The following MCPH1 variants were observed in gnomAD, a reference collection of about 807,000 sequenced individuals.
MCPH1 encodes the protein microcephalin 1, also known as microcephalin.
MCPH1 carries 104 observed loss-of-function variants against 84.5 expected under a neutral mutation model. The observed-to-expected ratio is 1.23, with a 90% CI of 1.05 to 1.45. The LOEUF (loss-of-function observed/expected upper bound fraction) is 1.45, where lower values mean the gene tolerates loss of function less well. Among genes scored for constraint, MCPH1 ranks in the 40% most tolerant of loss-of-function variants. The pLI, the probability that MCPH1 is intolerant of heterozygous loss-of-function variation, is 0.00. For synonymous variants in MCPH1, 514 were observed against 366.8 expected, an observed-to-expected ratio of 1.40 and a Z score of -4.58; for missense variants, 1,498 against 1,005.7, an observed-to-expected ratio of 1.49 and a Z score of -6.62.
intron 13 of MCPH1, among the ~76,000 whole-genome samples, chr8:6,623,561 G>C (rs955673686): frequency 1.3e-5 from 2 of 151,744 alleles, no homozygotes; most frequent in African/African-American, 4.8e-5. Flanking sequence ...ATCTAACTAC[G>C]GACATTTTAC....
intron 3 of MCPH1, among the ~76,000 whole-genome samples, chr8:6,423,005 G>T (rs961357336): frequency 6.7e-6 from 1 of 149,834 alleles, no homozygotes; most frequent in Non-Finnish European, 1.5e-5. Context: ...ATATTTTTAG[G>T]AGAGACAGGG....
At chr8:6,604,249 C>T (rs1355738805) in intron 12 of MCPH1, among the ~76,000 whole-genome samples, 1 of 152,132 alleles carries the variant, frequency 6.6e-6, no homozygotes, top group East Asian at 1.9e-4. Context: ...AGCTTCTCCA[C>T]GGAGCCCTGT....
At chr8:6,594,312 G>T (rs935681170) in intron 12 of MCPH1, among the ~76,000 whole-genome samples, 1 of 152,192 alleles carries the variant, frequency 6.6e-6, no homozygotes. Flanking sequence ...GGAATGAGTG[G>T]TTTACCCAGG....
intron 11 of MCPH1, among the ~76,000 whole-genome samples, chr8:6,491,376 C>CTTTTT (rs34589854): frequency 3.9e-5 from 5 of 128,132 alleles, no homozygotes; most frequent in African/African-American, 8.4e-5. Flanking sequence ...TGGTTTCTTT[C>CTTTTT]TTTTTTTTTT....
At chr8:6,568,573 T>C (rs534007014) in intron 12 of MCPH1, among the ~76,000 whole-genome samples, 1 of 152,292 alleles carries the variant, frequency 6.6e-6, no homozygotes, top group South Asian at 2.1e-4. Context: ...GTCGTTTTGC[T>C]TTTCCAACCT....
intron 12 of MCPH1, among the ~76,000 whole-genome samples, chr8:6,503,488 C>T (rs959333139): frequency 6.6e-6 from 1 of 152,202 alleles, no homozygotes; most frequent in South Asian, 2.1e-4. Context: ...CCTTCTTCCA[C>T]CTTTTCCCTT....
At chr8:6,638,649 A>G (rs1232859109) in intron 13 of MCPH1, among the ~76,000 whole-genome samples, 2 of 151,330 alleles carry the variant, frequency 1.3e-5, no homozygotes, top group Non-Finnish European at 2.9e-5. Flanking sequence ...TCAGCTTCCT[A>G]TTCATCTCTG....
intron 12 of MCPH1, among the ~76,000 whole-genome samples, chr8:6,571,550 AGATT>A (rs1826661359): frequency 6.6e-6 from 1 of 152,214 alleles, no homozygotes; most frequent in Non-Finnish European, 1.5e-5. Context: ...AATGCCAGCT[AGATT>A]AATTCTTGTT....
intron 7 of MCPH1, among the ~76,000 whole-genome samples, chr8:6,443,291 T>C (rs1340451704): frequency 1.3e-5 from 2 of 151,642 alleles, no homozygotes; most frequent in Non-Finnish European, 2.9e-5. Context: ...TATCGGGTTT[T>C]TGAAAAGTGT....
intron 11 of MCPH1, among the ~76,000 whole-genome samples, chr8:6,485,763 C>G (rs1809814206): frequency 6.6e-6 from 1 of 152,008 alleles, no homozygotes; most frequent in African/African-American, 2.4e-5. Context: ...TACAAGGTAA[C>G]CATGATGGCA....
At chr8:6,553,623 G>A (rs1287990550) in intron 12 of MCPH1, among the ~76,000 whole-genome samples, 1 of 152,028 alleles carries the variant, frequency 6.6e-6, no homozygotes, top group Non-Finnish European at 1.5e-5. Context: ...AATTCCTGAG[G>A]CTGGCTGGGG....
At chr8:6,471,237 G>T (rs1353193671) in intron 9 of MCPH1, among the ~76,000 whole-genome samples, 1 of 152,122 alleles carries the variant, frequency 6.6e-6, no homozygotes, top group East Asian at 1.9e-4. Flanking sequence ...TCAACCTGAG[G>T]ACTTAGGTGG....
intron 12 of MCPH1, among the ~76,000 whole-genome samples, chr8:6,522,601 C>A (rs944397655): frequency 2.0e-5 from 3 of 151,796 alleles, no homozygotes; most frequent in African/African-American, 7.3e-5. Flanking sequence ...TGGTGAAACC[C>A]TCTCTCTACT....
intron 13 of MCPH1, chr8:6,626,106 G>A (rs1041667240): frequency 2.3e-5 from 23 of 985,134 alleles, no homozygotes; most frequent in South Asian, 4.7e-5. Flanking sequence ...TATCTATGAC[G>A]ATAAAAATTG....
chr8:6,524,494 T>C (rs1817966956), intron 12 of MCPH1, among the ~76,000 whole-genome samples: 1 of 152,190 alleles, frequency 6.6e-6, no homozygotes, highest in African/African-American at 2.4e-5. Context: ...CTTACTTTCC[T>C]AGGAACCGAA....
At chr8:6,469,895 A>T (rs1035803604) in intron 9 of MCPH1, among the ~76,000 whole-genome samples, 2 of 152,180 alleles carry the variant, frequency 1.3e-5, no homozygotes, top group Non-Finnish European at 2.9e-5. Flanking sequence ...TTTTGTGTAG[A>T]TACAGTGTTT....
chr8:6,606,781 G>A (rs192488504), intron 12 of MCPH1, among the ~76,000 whole-genome samples: 166 of 152,252 alleles, frequency 1.1e-3, no homozygotes, highest in African/African-American at 3.7e-3. Context: ...TGAATCACAG[G>A]GACAGGTCTT....
intron 12 of MCPH1, among the ~76,000 whole-genome samples, chr8:6,546,145 G>T (rs1822540312): frequency 6.6e-6 from 1 of 152,216 alleles, no homozygotes; most frequent in African/African-American, 2.4e-5. Context: ...ACTGTGCTAT[G>T]CTAGTGTGAA....
At chr8:6,499,455 C>A (rs922036518) in intron 11 of MCPH1, among the ~76,000 whole-genome samples, 6 of 152,022 alleles carry the variant, frequency 3.9e-5, no homozygotes, top group Non-Finnish European at 8.8e-5. Flanking sequence ...GGCTTGTGAT[C>A]CATCTTCTTT....
Sources: allele counts gnomAD v4.1 joint callset (sites outside exome capture counted in the v4.1 genomes callset), GRCh38; gene constraint gnomAD v4.1.1; transcripts MANE v1.5; gene names NCBI Gene and HGNC (gene_info 2026-07-23, HGNC 2026-07-21).